The following DISC1 variants were observed in gnomAD, a reference collection of about 807,000 sequenced individuals.
The protein encoded by DISC1 is disrupted in schizophrenia 1 protein.
DISC1 carries 57 observed loss-of-function variants against 84.5 expected under a neutral mutation model. That is an observed-to-expected ratio of 0.67 (90% confidence interval 0.55 to 0.84). DISC1 has a LOEUF of 0.84. Among genes scored for constraint, DISC1 ranks in the 40% least tolerant of loss-of-function variants. The pLI is 0.00. For missense variants in DISC1, 1,000 were observed against 1,057.8 expected, an observed-to-expected ratio of 0.95 and a Z score of 0.76; for synonymous variants, 411 against 415.2, an observed-to-expected ratio of 0.99 and a Z score of 0.12.
Position 231,946,359 on chromosome 1 carries a change from A to C in DISC1, c.1982-12469A>C, listed in dbSNP as rs114320712. 4.3e-3 allele frequency among the ~76,000 whole-genome samples: 648 copies of C among 152,342 alleles called. 2 individuals carry two copies. Among genetic ancestry groups the C allele is most frequent in the African/African-American group, 0.015 (615 of 41,580 alleles). On this transcript the variant is annotated intron_variant, in intron 9 of 12. Transcript: ENST00000439617. The stretch of plus-strand genomic sequence containing the variant: ...CACATAATCAGAACCAATGACAAAA[A>C]ACACATTATTATCTCAATAGGTGCA...
intron 9 of DISC1, among the ~76,000 whole-genome samples, chr1:231,957,325 G>A (rs1054254361): frequency 5.9e-5 from 9 of 152,122 alleles, no homozygotes; most frequent in Non-Finnish European, 8.8e-5. Flanking sequence ...CATTTCCCCA[G>A]TGATGCCTTC....
chr1:231,911,859 G>A (rs2126055647), intron 9 of DISC1, among the ~76,000 whole-genome samples: 1 of 152,234 alleles, frequency 6.6e-6, no homozygotes, highest in East Asian at 1.9e-4. Context: ...ATTTCTTGGA[G>A]GTTTGTTTGT....
chr1:231,926,442 G>A (rs1039258109), intron 9 of DISC1, among the ~76,000 whole-genome samples: 1 of 152,120 alleles, frequency 6.6e-6, no homozygotes, highest in Non-Finnish European at 1.5e-5. Context: ...CAGGAACAAA[G>A]GCTCTTCCCA....
intron 9 of DISC1, among the ~76,000 whole-genome samples, chr1:231,925,630 G>T (rs751308152): frequency 6.6e-5 from 10 of 152,126 alleles, no homozygotes; most frequent in Non-Finnish European, 1.0e-4. Context: ...GACCATTCTT[G>T]GATTATAAGA....
At position 231,974,189 on chromosome 1, in the gene DISC1, G is replaced by A. The variant is rs141382075; in HGVS notation, c.2042+15301G>A. On this transcript the variant is annotated intron_variant, in intron 10 of 12. Transcript: ENST00000439617. Reference sequence around the variant, plus strand: ...TGGGGAGGGCAGCATGTGCGGGTGCGGGGCTGGCCTTCCCGTGGTCTCAAG... The same window carrying A: ...TGGGGAGGGCAGCATGTGCGGGTGCAGGGCTGGCCTTCCCGTGGTCTCAAG... Among the ~76,000 whole-genome samples, 656 of 152,252 alleles carry A rather than the reference G, an allele frequency of 4.3e-3. 15 individuals are homozygous for A. The South Asian group carries it at 0.071, about 17-fold the overall frequency.
At chr1:232,006,721 A>G (rs2102990033) in intron 10 of DISC1, among the ~76,000 whole-genome samples, 1 of 152,312 alleles carries the variant, frequency 6.6e-6, no homozygotes, top group Non-Finnish European at 1.5e-5. Context: ...TTCTGAGGAG[A>G]AATTCAAGCT....
At chr1:231,922,025 A>C (rs199713000) in intron 9 of DISC1, among the ~76,000 whole-genome samples, 15 of 152,132 alleles carry the variant, frequency 9.9e-5, no homozygotes, top group Non-Finnish European at 1.9e-4. Context: ...GTTAGTGGAT[A>C]ATTTCTACAT....
At chr1:231,704,629 A>G (rs376078866) in intron 3 of DISC1, among the ~76,000 whole-genome samples, 27 of 152,006 alleles carry the variant, frequency 1.8e-4, no homozygotes, top group South Asian at 6.2e-4. Flanking sequence ...GCGTGGTGGC[A>G]GGCGCCTGTA....
intron 10 of DISC1, among the ~76,000 whole-genome samples, chr1:231,994,826 C>T (rs1013532257): frequency 4.6e-5 from 7 of 152,126 alleles, no homozygotes; most frequent in Non-Finnish European, 7.3e-5. Context: ...GGATTGTCAT[C>T]GGTTAATTGC....
chr1:231,799,843 C>G (rs1380367955), intron 7 of DISC1, among the ~76,000 whole-genome samples: 1 of 38,568 alleles, frequency 2.6e-5, no homozygotes, highest in African/African-American at 1.2e-4. Flanking sequence ...TTTCCCTTCT[C>G]TTTCCTTCCC....
At chr1:231,889,838 A>T (rs2087070688) in intron 9 of DISC1, among the ~76,000 whole-genome samples, 1 of 151,910 alleles carries the variant, frequency 6.6e-6, no homozygotes, top group African/African-American at 2.4e-5. Context: ...GTGTGAGCGG[A>T]AGTTGATGAC....
chr1:231,855,212 A>T (rs2084184214), intron 9 of DISC1: 18 of 1,007,228 alleles, frequency 1.8e-5, no homozygotes, highest in Non-Finnish European at 2.0e-5. Flanking sequence ...ACCTTATTCT[A>T]AGTGTCTTTG....
intron 8 of DISC1, among the ~76,000 whole-genome samples, chr1:231,803,426 TGGG>T (rs2079437698): frequency 6.6e-6 from 1 of 152,140 alleles, no homozygotes; most frequent in Non-Finnish European, 1.5e-5. Flanking sequence ...GTGACTTAGC[TGGG>T]TGGCTCTGAC....
chr1:231,937,405 A>G (rs1329515018), intron 9 of DISC1, among the ~76,000 whole-genome samples: 1 of 152,208 alleles, frequency 6.6e-6, no homozygotes, highest in Non-Finnish European at 1.5e-5. Flanking sequence ...GCTTTCAGAG[A>G]TCAGGGGGAT....
chr1:231,733,087 CAGTGGGT>C (rs2071777175), intron 3 of DISC1, among the ~76,000 whole-genome samples: 1 of 6,324 alleles, frequency 1.6e-4, no homozygotes, highest in African/African-American at 5.0e-4. Flanking sequence ...ATGGTAGAAG[CAGTGGGT>C]AGAGTTGGTG....
At chr1:231,820,004 A>G (rs944249244) in intron 9 of DISC1, among the ~76,000 whole-genome samples, 1 of 152,208 alleles carries the variant, frequency 6.6e-6, no homozygotes, top group Admixed American at 6.5e-5. Context: ...GTATTTTCAC[A>G]ATGATGAATA....
At chr1:231,670,680 A>G (rs1337935787) in intron 1 of DISC1, 2 of 152,220 alleles carry the variant, frequency 1.3e-5, no homozygotes, top group Non-Finnish European at 2.9e-5. Flanking sequence ...GACTTTTACG[A>G]AAGATTCCCA....
chr1:231,958,937 C>A, intron 10 of DISC1, 49 bp downstream of exon 10: 1 of 1,554,844 alleles, frequency 6.4e-7, no homozygotes, highest in Non-Finnish European at 8.6e-7. Flanking sequence ...CATCTAGATT[C>A]TTTATTATAA....
chr1:232,031,716 G>A lies in DISC1; in HGVS notation c.2426-4976G>A, dbSNP rs1670073962. Among the ~76,000 whole-genome samples the A allele has an allele frequency of 6.6e-6, 1 of 152,172 alleles. No homozygotes were observed. The highest frequency in any genetic ancestry group is 1.5e-5 in the Non-Finnish European group (1 of 68,034). On this transcript the variant is annotated intron_variant, in intron 12 of 12. Transcript: ENST00000439617. The surrounding 1 kb of genome is among the most constrained non-coding windows in gnomAD (Gnocchi z 4.6). The stretch of plus-strand genomic sequence containing the variant: ...GGCGTAGACACAGGGCTGTCCTGCT[G>A]CTGGCTGAGCACGAGGTGGGCTTGG...
Sources: allele counts gnomAD v4.1 joint callset (sites outside exome capture counted in the v4.1 genomes callset), GRCh38; gene constraint gnomAD v4.1.1; non-coding constraint Gnocchi (gnomAD v3.1); transcripts MANE v1.5; gene names NCBI Gene and HGNC (gene_info 2026-07-23, HGNC 2026-07-21).